KLHL5: variants seen among roughly 807,000 people sequenced by gnomAD.
KLHL5 encodes the protein kelch like family member 5.
Under a neutral mutation model 77.7 loss-of-function variants are expected in KLHL5, and 48 were observed. That is an observed-to-expected ratio of 0.62 (90% CI 0.49 to 0.79). The LOEUF is 0.79. KLHL5 is among the 30% of genes least tolerant of loss of function. The probability of loss-of-function intolerance (pLI) is 0.00; values close to 1 mark genes in which losing one functional copy is unlikely to be tolerated. For synonymous variants in KLHL5, 260 were observed against 297.0 expected, an observed-to-expected ratio of 0.88 and a Z score of 1.28; for missense variants, 723 against 859.7, an observed-to-expected ratio of 0.84 and a Z score of 1.99.
At chr4:39,105,986 A>G (rs1261538172) in intron 7 of KLHL5, among the ~76,000 whole-genome samples, 2 of 151,990 alleles carry the variant, frequency 1.3e-5, no homozygotes, top group Non-Finnish European at 2.9e-5. Context: ...CCTCTTCTCA[A>G]ATCCCTCTAC....
intron 1 of KLHL5, among the ~76,000 whole-genome samples, chr4:39,051,244 G>T (rs1355348818): frequency 6.6e-6 from 1 of 151,926 alleles, no homozygotes; most frequent in East Asian, 1.9e-4. Context: ...GAATTCCCTT[G>T]CATTTTCAAA....
At chr4:39,136,005 CGTGTGTGTGTGT>C in the KLHL5 span, among the ~76,000 whole-genome samples, 8 of 146,020 alleles carry the variant, frequency 5.5e-5, no homozygotes, top group Non-Finnish European at 6.0e-5. Flanking sequence ...CATTCTAACA[CGTGTGTGTGTGT>C]GTGTGTGTGT....
At chr4:39,098,367 A>G (rs1721254668) in intron 6 of KLHL5, among the ~76,000 whole-genome samples, 1 of 151,400 alleles carries the variant, frequency 6.6e-6, no homozygotes, top group African/African-American at 2.4e-5. Context: ...GGTTCAAACA[A>G]TTCTCCTGCC....
chr4:39,114,446 C>T lies in KLHL5; in HGVS notation c.1902-713C>T, dbSNP rs573332233. Reference sequence around the variant, plus strand: ...AAGGCCCCACCTCCCAACACTATTACATTGGCAATTAAATTTCAACGTTGA... The same window carrying T: ...AAGGCCCCACCTCCCAACACTATTATATTGGCAATTAAATTTCAACGTTGA... On this transcript the variant is annotated intron_variant, in intron 9 of 10. Coordinates refer to ENST00000504108, the MANE Select transcript of KLHL5 (RefSeq NM_015990.5). Among the ~76,000 whole-genome samples the T allele has an allele frequency of 5.0e-5, 7 of 140,462 alleles. No individual in the cohort carries two copies. The South Asian group carries it at 1.7e-3, about 34-fold the overall frequency. The allele number at this position is 140,462 out of a possible 152,430, so 92.1% of individuals were successfully genotyped here. A position where few individuals can be genotyped will look rare whatever the true frequency, so the allele number is the denominator to read the frequency against.
At chr4:39,107,847 A>C in intron 8 of KLHL5, 116 bp downstream of exon 8, 1 of 691,214 alleles carries the variant, frequency 1.4e-6, no homozygotes, top group Non-Finnish European at 2.3e-6. Flanking sequence ...AAACTTTTAA[A>C]ACAATGTCTC....
chr4:39,142,413 TTA>T, the KLHL5 span, among the ~76,000 whole-genome samples: 1 of 151,974 alleles, frequency 6.6e-6, no homozygotes, highest in South Asian at 2.1e-4. Flanking sequence ...AAAAAAAGAT[TTA>T]TTTAGAGAAA....
intron 2 of KLHL5, 150 bp from the exon 3 acceptor site, chr4:39,080,953 A>G: frequency 3.0e-6 from 2 of 665,184 alleles, no homozygotes; most frequent in Non-Finnish European, 4.7e-6. Context: ...CAAAGGAAGG[A>G]ACTAGAGCAT....
chr4:39,052,786 T>C (rs900734375), intron 1 of KLHL5, among the ~76,000 whole-genome samples: 2 of 152,232 alleles, frequency 1.3e-5, no homozygotes, highest in Admixed American at 6.5e-5. Flanking sequence ...ATTGATGGCC[T>C]GGTTTCTGCA....
chr4:39,107,535 C>G (rs1722138768), intron 7 of KLHL5, 34 bp from the exon 8 acceptor site: 1 of 1,534,176 alleles, frequency 6.5e-7, no homozygotes, highest in Admixed American at 1.8e-5. Context: ...AGCAGCCAAT[C>G]TGAAGTCGTT....
upstream of KLHL5, among the ~76,000 whole-genome samples, chr4:39,059,392 G>T (rs1259020014): frequency 6.6e-6 from 1 of 152,006 alleles, no homozygotes; most frequent in East Asian, 1.9e-4. Context: ...TAATAATGAA[G>T]AAAATGTAAA....
At chr4:39,132,504 G>A in the KLHL5 span, among the ~76,000 whole-genome samples, 1 of 152,098 alleles carries the variant, frequency 6.6e-6, no homozygotes, top group Admixed American at 6.5e-5. Context: ...AGCTACTTAG[G>A]AGGCTGAGTT....
chr4:39,109,450 T>C (rs181718894), intron 8 of KLHL5, among the ~76,000 whole-genome samples: 10 of 151,614 alleles, frequency 6.6e-5, no homozygotes, highest in African/African-American at 2.2e-4. Flanking sequence ...AGGTGTGCAC[T>C]ACCATGTCCA....
intron 1 of KLHL5, among the ~76,000 whole-genome samples, chr4:39,057,116 A>G (rs1171573597): frequency 6.6e-6 from 1 of 152,222 alleles, no homozygotes; most frequent in African/African-American, 2.4e-5. Context: ...TTCTTAATTC[A>G]GTAAGAGTTT....
chr4:39,136,526 G>A, the KLHL5 span, among the ~76,000 whole-genome samples: 1 of 152,140 alleles, frequency 6.6e-6, no homozygotes, highest in Non-Finnish European at 1.5e-5. Context: ...CCACAGTGGT[G>A]TCGAGAGGAC....
the KLHL5 span, among the ~76,000 whole-genome samples, chr4:39,142,206 T>C: frequency 5.3e-5 from 8 of 152,128 alleles, no homozygotes; most frequent in Non-Finnish European, 1.0e-4. Context: ...AATAATTGTA[T>C]TTCCCTTTTC....
intron 1 of KLHL5, among the ~76,000 whole-genome samples, chr4:39,071,616 A>G (rs984980600): frequency 4.2e-4 from 64 of 152,198 alleles, no homozygotes; most frequent in African/African-American, 1.4e-3. Flanking sequence ...TCAAATTCCA[A>G]ATCCCTTCAC....
At chr4:39,069,459 TATATATATATATATACACACACAC>T (rs1473630604) in intron 1 of KLHL5, among the ~76,000 whole-genome samples, 10 of 48,474 alleles carry the variant, frequency 2.1e-4, no homozygotes, top group African/African-American at 6.7e-4. Context: ...TATATATATA[TATATATATATATATACACACACAC>T]ACACACACAC....
At position 39,103,478 on chromosome 4, in the gene KLHL5, A is replaced by C. The variant is rs1358368106; in HGVS notation, c.1492A>C (p.Met498Leu). Residue 498 changes from methionine to leucine, a missense_variant, in exon 7 of 11, where the codon ATG (methionine) becomes CTG (leucine). Around this residue, in one of 3 missense-constraint regions of KLHL5, gnomAD observed 288 missense variants for 400.3 expected, o/e 0.72. Coordinates refer to ENST00000504108, the MANE Select transcript of KLHL5 (RefSeq NM_015990.5). ...YNPKTKTWSV[M>L]PPMSTHRHGL... ...CCCCAAAACAAAAACTTGGAGTGTGATGCCACCTATGTCCACACATAGACA... is the reference window on the plus strand; with the variant it reads ...CCCCAAAACAAAAACTTGGAGTGTGCTGCCACCTATGTCCACACATAGACA... 2 of 1,614,140 alleles carry C rather than the reference A, an allele frequency of 1.2e-6. No individual in the cohort carries two copies. The highest frequency in any genetic ancestry group is 2.2e-5 in the East Asian group (1 of 44,880).
chr4:39,112,959 C>T (rs761850871), intron 8 of KLHL5, 61 bp from the exon 9 acceptor site: 43 of 1,420,780 alleles, frequency 3.0e-5, no homozygotes, highest in Non-Finnish European at 3.9e-5. Context: ...TAAGAAGAGC[C>T]TCTTTGTTCT....
Sources: allele counts gnomAD v4.1 joint callset (sites outside exome capture counted in the v4.1 genomes callset), GRCh38; gene constraint gnomAD v4.1.1; regional missense constraint gnomAD v4.1.1; transcripts MANE v1.5; gene names NCBI Gene and HGNC (gene_info 2026-07-23, HGNC 2026-07-21).